Variants in PXDNL observed in about 807,000 individuals in gnomAD.
PXDNL encodes probable oxidoreductase PXDNL.
Under a neutral mutation model 150.8 loss-of-function variants are expected in PXDNL, and 145 were observed. That is an observed-to-expected ratio of 0.96 (90% CI 0.84 to 1.10). The LOEUF (loss-of-function observed/expected upper bound fraction) is 1.10. Among genes scored for constraint, PXDNL ranks in the 50% least tolerant of loss-of-function variants. The pLI, the probability that PXDNL is intolerant of heterozygous loss-of-function variation, is 0.00. For missense variants in PXDNL, 2,087 were observed against 1,873.9 expected, an observed-to-expected ratio of 1.11 and a Z score of -2.10; for synonymous variants, 757 against 725.7, an observed-to-expected ratio of 1.04 and a Z score of -0.69.
intron 2 of PXDNL, among the ~76,000 whole-genome samples, chr8:51,623,574 G>A (rs1685169443): frequency 6.6e-6 from 1 of 152,166 alleles, no homozygotes; most frequent in African/African-American, 2.4e-5. Context: ...TGTGGGGAAG[G>A]TGTTGGAGGG....
chr8:51,610,523 AG>A (rs142943459), intron 2 of PXDNL, among the ~76,000 whole-genome samples: 3,561 of 152,236 alleles, frequency 0.023, 150 homozygotes, highest in African/African-American at 0.081. Context: ...TATTTTAGGG[AG>A]GAGGGTGAGT....
At chr8:51,507,789 G>C (rs1443464620) in intron 4 of PXDNL, among the ~76,000 whole-genome samples, 2 of 152,172 alleles carry the variant, frequency 1.3e-5, no homozygotes, top group African/African-American at 4.8e-5. Flanking sequence ...CTAGCCTCCA[G>C]TGGGGAGGGA....
intron 1 of PXDNL, among the ~76,000 whole-genome samples, chr8:51,705,897 A>G (rs1320963822): frequency 6.6e-6 from 1 of 152,242 alleles, no homozygotes; most frequent in Non-Finnish European, 1.5e-5. Flanking sequence ...AAAGATATTC[A>G]TAATTTACAT....
chr8:51,577,593 C>CATAT (rs35173075), intron 3 of PXDNL, among the ~76,000 whole-genome samples: 13,832 of 142,110 alleles, frequency 0.097, 733 homozygotes, highest in African/African-American at 0.13. Context: ...TATCTATCTA[C>CATAT]ATATATATAT....
chr8:51,436,162 CA>C (rs908625277), intron 12 of PXDNL: 2 of 516,710 alleles, frequency 3.9e-6, no homozygotes, highest in African/African-American at 2.0e-5. Context: ...ACTCTTAATT[CA>C]GATCTTTAGT....
intron 1 of PXDNL, among the ~76,000 whole-genome samples, chr8:51,657,246 T>G (rs534298466): frequency 4.5e-4 from 68 of 152,182 alleles, no homozygotes; most frequent in Non-Finnish European, 8.5e-4. Flanking sequence ...CACGGTAAAG[T>G]CAAAAATCAT....
intron 14 of PXDNL, among the ~76,000 whole-genome samples, chr8:51,415,603 A>G (rs1329060963): frequency 6.6e-6 from 1 of 152,210 alleles, no homozygotes; most frequent in African/African-American, 2.4e-5. Flanking sequence ...GGACAGGGAC[A>G]CAAATCTAAA....
At chr8:51,376,248 G>T (rs970710277) in intron 17 of PXDNL, among the ~76,000 whole-genome samples, 1 of 152,140 alleles carries the variant, frequency 6.6e-6, no homozygotes, top group African/African-American at 2.4e-5. Flanking sequence ...ATGTCACCTG[G>T]AGAGCTGTAC....
At chr8:51,450,014 G>C (rs983665180) in intron 10 of PXDNL, among the ~76,000 whole-genome samples, 1 of 152,156 alleles carries the variant, frequency 6.6e-6, no homozygotes, top group African/African-American at 2.4e-5. Flanking sequence ...GTTATTTCTC[G>C]ATTATGTGCT....
intron 5 of PXDNL, among the ~76,000 whole-genome samples, chr8:51,491,204 T>C (rs1810884478): frequency 6.6e-6 from 1 of 152,132 alleles, no homozygotes; most frequent in Admixed American, 6.5e-5. Flanking sequence ...TTGCAAATGG[T>C]CTATTGTGGG....
intron 3 of PXDNL, among the ~76,000 whole-genome samples, chr8:51,557,462 T>G (rs1250957596): frequency 1.1e-4 from 16 of 152,140 alleles, no homozygotes; most frequent in Non-Finnish European, 2.2e-4. Flanking sequence ...AGAAAACAAT[T>G]TATGTGACAT....
intron 1 of PXDNL, among the ~76,000 whole-genome samples, chr8:51,760,825 C>T (rs951860136): frequency 6.6e-5 from 9 of 137,306 alleles, no homozygotes. Context: ...TCATGGTTAG[C>T]CTGAAGGAAA....
intron 3 of PXDNL, among the ~76,000 whole-genome samples, chr8:51,564,024 T>A (rs759764598): frequency 6.6e-6 from 1 of 152,040 alleles, no homozygotes; most frequent in Non-Finnish European, 1.5e-5. Context: ...TGAAAAAATG[T>A]TTGACTACAT....
chr8:51,688,417 A>C (rs1480712799), intron 1 of PXDNL, among the ~76,000 whole-genome samples: 1 of 152,212 alleles, frequency 6.6e-6, no homozygotes, highest in African/African-American at 2.4e-5. Context: ...CACACAGAAC[A>C]CACTGCAGAA....
Position 51,611,248 on chromosome 8 carries a change from G to A in PXDNL, c.237-18550C>T, listed in dbSNP as rs371697349. 3.5e-4 allele frequency among the ~76,000 whole-genome samples: 53 copies of A among 152,020 alleles called. No homozygotes were observed. The South Asian group carries it at 0.01, about 30-fold the overall frequency. On this transcript the variant is annotated intron_variant, in intron 2 of 22. Coordinates refer to ENST00000356297, the MANE Select transcript of PXDNL (RefSeq NM_144651.5). ...CATGAAAAAACTATGTTTTATTTAG[G>A]GATATATGACACCCTTATTAGAAAC...
At chr8:51,494,810 G>A (rs2130253891) in intron 5 of PXDNL, among the ~76,000 whole-genome samples, 1 of 151,834 alleles carries the variant, frequency 6.6e-6, no homozygotes, top group African/African-American at 2.4e-5. Flanking sequence ...AAGAGACTTA[G>A]AATCCCACAC....
At chr8:51,356,957 T>G (rs1415818995) in intron 19 of PXDNL, among the ~76,000 whole-genome samples, 1 of 152,092 alleles carries the variant, frequency 6.6e-6, no homozygotes, top group Non-Finnish European at 1.5e-5. Context: ...GAACAAAAAC[T>G]CCAATCAAGC....
chr8:51,426,470 ACTTAAAAAAAAAAAAG>A (rs2129760552), intron 13 of PXDNL, among the ~76,000 whole-genome samples, 160 bp downstream of exon 13: 1 of 152,168 alleles, frequency 6.6e-6, no homozygotes, highest in South Asian at 2.1e-4. Context: ...AGATAGAGTC[ACTTAAAAAAAAAAAAG>A]AAGAAACAGG....
In PXDNL at chr8:51,339,642, G is replaced by A. The variant is rs1417669671; in HGVS notation, c.4128C>T (p.Ile1376=). ...STFAAEIQET[I]TALREQINKL... The stretch of plus-strand genomic sequence containing the variant: ...AACAAACCTGCTCTCTGAGTGCTGT[G>A]ATGGTTTCCTGAATTTCCGCTGCAA... Residue 1376 remains isoleucine (I), a synonymous_variant, in exon 21 of 23, where the codon ATC becomes ATT. Coordinates refer to ENST00000356297, the MANE Select transcript of PXDNL (RefSeq NM_144651.5). The A allele has an allele frequency of 1.2e-6, 2 of 1,613,776 alleles. No homozygotes were observed. The highest frequency in any genetic ancestry group is 8.5e-7 in the Non-Finnish European group (1 of 1,179,798).
Sources: allele counts gnomAD v4.1 joint callset (sites outside exome capture counted in the v4.1 genomes callset), GRCh38; gene constraint gnomAD v4.1.1; transcripts MANE v1.5; gene names NCBI Gene and HGNC (gene_info 2026-07-23, HGNC 2026-07-21).